The following BPIFB6 variants were observed in gnomAD, a reference collection of about 807,000 sequenced individuals.
BPIFB6 encodes BPI fold containing family B member 6, also known as BPI fold-containing family B member 6.
In BPIFB6, 47 loss-of-function variants were observed where a neutral mutation model predicts 54.7. That is an observed-to-expected ratio of 0.86 (90% CI 0.68 to 1.10). The LOEUF (loss-of-function observed/expected upper bound fraction) is 1.10, where lower values mean the gene tolerates loss of function less well. Ranked by LOEUF, BPIFB6 falls within the 50% of genes least tolerant of loss-of-function variation. BPIFB6 has a pLI of 0.00. For missense variants in BPIFB6, 603 were observed against 564.1 expected, an observed-to-expected ratio of 1.07 and a Z score of -0.70; for synonymous variants, 255 against 225.9, an observed-to-expected ratio of 1.13 and a Z score of -1.16.
At chr20:33,039,046 C>A in intron 9 of BPIFB6, 84 bp downstream of exon 9, 1 of 1,441,158 alleles carries the variant, frequency 6.9e-7, no homozygotes, top group Non-Finnish European at 9.7e-7. Flanking sequence ...ACTTGGGAGA[C>A]AGCTTTTCAT....
chr20:33,036,347 G>A (rs1979340602), intron 6 of BPIFB6, 98 bp from the exon 7 acceptor site: 9 of 1,005,164 alleles, frequency 9.0e-6, no homozygotes, highest in East Asian at 2.4e-5. Flanking sequence ...CTTGAGTCAC[G>A]TGGAGGGCCA....
chr20:33,039,842 C>T (rs565551109), intron 10 of BPIFB6, among the ~76,000 whole-genome samples: 1 of 152,102 alleles, frequency 6.6e-6, no homozygotes, highest in African/African-American at 2.4e-5. Flanking sequence ...AAAGGGCTTC[C>T]AAGAGGAGGT....
chr20:33,040,455 C>T, intron 11 of BPIFB6, 137 bp downstream of exon 11: 1 of 758,340 alleles, frequency 1.3e-6, no homozygotes, highest in South Asian at 1.5e-5. Flanking sequence ...TTTTCCTGCT[C>T]TAGAACCCTC....
At chr20:33,032,913 C>A in intron 1 of BPIFB6, 71 bp from the exon 2 acceptor site, 1 of 1,245,150 alleles carries the variant, frequency 8.0e-7, no homozygotes, top group Non-Finnish European at 1.2e-6. Context: ...GGCACAGTGA[C>A]GGTGAGTGGC....
At chr20:33,040,985 C>CTTTTTT (rs59134684) in intron 11 of BPIFB6, among the ~76,000 whole-genome samples, 1 of 116,846 alleles carries the variant, frequency 8.6e-6, no homozygotes. Context: ...AGGAGTAGTT[C>CTTTTTT]TTTTTTTTTT....
At chr20:33,036,849 G>A (rs1219829007) in intron 7 of BPIFB6, among the ~76,000 whole-genome samples, 1 of 152,188 alleles carries the variant, frequency 6.6e-6, no homozygotes, top group Non-Finnish European at 1.5e-5. Context: ...AGGAGGTCCA[G>A]GCACAGGCAG....
intron 2 of BPIFB6, 29 bp downstream of exon 2, chr20:33,033,112 G>A (rs1979176372): frequency 6.4e-7 from 1 of 1,551,644 alleles, no homozygotes; most frequent in Non-Finnish European, 8.9e-7. Flanking sequence ...CTGGAGGGTG[G>A]TGGTTAGGGC....
chr20:33,039,045 A>G (rs1262333547), intron 9 of BPIFB6, 83 bp downstream of exon 9: 8 of 1,442,524 alleles, frequency 5.5e-6, no homozygotes, highest in Non-Finnish European at 7.7e-6. Context: ...GACTTGGGAG[A>G]CAGCTTTTCA....
At chr20:33,035,781 C>G (rs1209679112) in intron 6 of BPIFB6, 109 bp downstream of exon 6, 5 of 1,156,968 alleles carry the variant, frequency 4.3e-6, no homozygotes, top group African/African-American at 1.5e-5. Context: ...AGCCTTGGGA[C>G]TAGAGGAGGC....
chr20:33,042,139 C>G (rs371076083), intron 12 of BPIFB6, 124 bp downstream of exon 12: 6 of 916,912 alleles, frequency 6.5e-6, no homozygotes, highest in African/African-American at 4.9e-5. Flanking sequence ...CACTGTGAGG[C>G]GTGGCGCACC....
At chr20:33,037,871 G>A (rs921017990) in intron 8 of BPIFB6, 133 bp downstream of exon 8, 10 of 953,150 alleles carry the variant, frequency 1.0e-5, no homozygotes, top group South Asian at 1.5e-5. Context: ...ACCGATTTGA[G>A]TTTCTCTCAG....
At chr20:33,037,845 G>C (rs978389462) in intron 8 of BPIFB6, 107 bp downstream of exon 8, 212 of 1,271,646 alleles carry the variant, frequency 1.7e-4, no homozygotes, top group Non-Finnish European at 2.3e-4. Flanking sequence ...GCAACACTAG[G>C]ACTGGAAGAT....
rs1355674352 is a variant in BPIFB6 at position 33,043,359 on chromosome 20, A to T, written c.1321A>T (p.Ile441Leu). 6.2e-7 allele frequency: 1 copy of T among 1,614,166 alleles called. No homozygotes were observed. Among genetic ancestry groups the T allele is most frequent in the African/African-American group, 1.3e-5 (1 of 75,048 alleles). Reference protein sequence around the residue: ...AMNYNLAELDIVENALMLDLK... With the variant: ...AMNYNLAELDLVENALMLDLK... The stretch of plus-strand genomic sequence containing the variant: ...GAATTACAACCTGGCTGAGCTGGAC[A>T]TAGTAGAGGTGAGAGGAGGGGCTAG... The change falls in exon 14 of 15, where the codon ATA becomes TTA. Residue 441 changes from isoleucine to leucine, a missense_variant. Coordinates refer to ENST00000349552, the MANE Select transcript of BPIFB6 (RefSeq NM_174897.2).
rs1313708314 is a variant in BPIFB6, at chr20:33,037,635, G to T, written c.743G>T (p.Gly248Val). ...DAGEALTFPE[G>V]YAKGSSQLLL... ...GGGGAGGCCCTCACGTTCCCTGAGG[G>T]TTATGCCAAAGGCTCGTCGCAGCTG... Residue 248 changes from glycine to valine, a missense_variant, in exon 8 of 15, where the codon GGT becomes GTT. Physicochemically the swap from Gly to Val is moderately radical, Grantham distance 109. Transcript: ENST00000349552. The T allele has an allele frequency of 6.2e-7, 1 of 1,614,134 alleles. No individual in the cohort carries two copies. The highest frequency in any genetic ancestry group is 2.2e-5 in the East Asian group (1 of 44,868).
chr20:33,039,201 A>C, intron 9 of BPIFB6, 146 bp from the exon 10 acceptor site: 1 of 965,474 alleles, frequency 1.0e-6, no homozygotes, highest in Non-Finnish European at 1.5e-6. Context: ...TGTTTCTTTT[A>C]TTTCCTGATA....
chr20:33,043,915 A>G (rs1979697743), intron 14 of BPIFB6, 100 bp from the exon 15 acceptor site: 1 of 1,448,064 alleles, frequency 6.9e-7, no homozygotes, highest in South Asian at 1.1e-5. Flanking sequence ...CTTAACCACC[A>G]CACTGGTTTC....
rs1177375871 is a variant in BPIFB6 at position 33,043,381 on chromosome 20, C to T, written c.1329+14C>T. 2 of 1,611,646 alleles carry T rather than the reference C, an allele frequency of 1.2e-6. No individual in the cohort carries two copies. The highest frequency in any genetic ancestry group is 1.7e-5 in the Admixed American group (1 of 60,012). ...GACATAGTAGAGGTGAGAGGAGGGG[C>T]TAGGGGAGGTCATGTCAATCAACAC... On this transcript the variant is annotated intron_variant, in intron 14 of 14. Transcript: ENST00000349552.
At chr20:33,039,205 C>T in intron 9 of BPIFB6, 142 bp from the exon 10 acceptor site, 1 of 972,536 alleles carries the variant, frequency 1.0e-6, no homozygotes, top group Non-Finnish European at 1.5e-6. Context: ...TCTTTTATTT[C>T]CTGATAGACA....
intron 14 of BPIFB6, among the ~76,000 whole-genome samples, chr20:33,043,787 G>C (rs1255649848): frequency 6.6e-6 from 1 of 152,128 alleles, no homozygotes; most frequent in Admixed American, 6.5e-5. Flanking sequence ...TTTCTTATCT[G>C]ATCTCTCTGC....
Sources: gnomAD v4.1 joint callset for allele counts (sites outside exome capture counted in the v4.1 genomes callset) on GRCh38, gnomAD v4.1.1 for gene constraint, MANE v1.5 for transcripts, NCBI Gene and HGNC (gene_info 2026-07-23, HGNC 2026-07-21) for gene names.